The following FCHO2 variants were observed in gnomAD, a reference collection of about 807,000 sequenced individuals.
The protein encoded by FCHO2 is F-BAR domain only protein 2.
FCHO2 carries 43 observed loss-of-function variants against 114.1 expected under a neutral mutation model. The ratio of observed to expected loss-of-function variants is 0.38; its 90% CI spans 0.30 to 0.49. The LOEUF is 0.49. Among genes scored for constraint, FCHO2 ranks in the 20% least tolerant of loss-of-function variants. The pLI, the probability that FCHO2 is intolerant of heterozygous loss-of-function variation, is 0.97. For missense variants in FCHO2, 807 were observed against 950.4 expected (o/e 0.85, Z 1.98); for synonymous variants, 293 against 315.2 (o/e 0.93, Z 0.75).
rs116104589 is a variant in FCHO2, at chr5:73,065,003, C to A, written c.1449+1059C>A. ...GTGTGTTACCTTTACTGGGCTATTC[C>A]TTCGTCAGTCTCATATCCTCAGTAC... is the stretch of plus-strand genomic sequence containing the variant. On this transcript the variant is annotated intron_variant, in intron 18 of 25. Coordinates refer to ENST00000430046, the MANE Select transcript of FCHO2 (RefSeq NM_138782.3). 4.2e-3 allele frequency among the ~76,000 whole-genome samples: 642 copies of A among 151,948 alleles called. 3 individuals are homozygous for A. The highest frequency in any genetic ancestry group is 0.015 in the African/African-American group (626 of 41,462).
chr5:73,018,029 G>A (rs1755400049), intron 8 of FCHO2, among the ~76,000 whole-genome samples: 2 of 152,038 alleles, frequency 1.3e-5, no homozygotes, highest in Admixed American at 1.3e-4. Flanking sequence ...ACTATATCAT[G>A]TTCTTGCAAG....
intron 5 of FCHO2, among the ~76,000 whole-genome samples, chr5:73,003,909 G>A (rs1158992936): frequency 1.3e-5 from 2 of 151,762 alleles, no homozygotes; most frequent in African/African-American, 4.8e-5. Flanking sequence ...TTAGCTGGGC[G>A]TGGTGGCTTG....
chr5:73,003,142 C>T (rs137921107), intron 5 of FCHO2, among the ~76,000 whole-genome samples: 2 of 151,896 alleles, frequency 1.3e-5, no homozygotes, highest in Non-Finnish European at 2.9e-5. Flanking sequence ...GTAGCTGGGA[C>T]CACAGGTGTG....
Position 72,997,413 on chromosome 5 carries a change from A to G in FCHO2, c.495+6549A>G. 1.9e-6 allele frequency: 3 copies of G among 1,600,294 alleles called. No individual in the cohort carries two copies. The South Asian group carries it at 3.3e-5, about 18-fold the overall frequency. On this transcript the variant is annotated intron_variant, in intron 5 of 25. Coordinates refer to ENST00000430046, the MANE Select transcript of FCHO2 (RefSeq NM_138782.3). ...CACTGCACTTTGGAGTTGGGCAGCT[A>G]CATCAAGGACCTCTCTTTGGTCCAC...
chr5:72,997,057 CT>C, intron 5 of FCHO2: 1 of 1,313,800 alleles, frequency 7.6e-7, no homozygotes, highest in Non-Finnish European at 1.1e-6. Flanking sequence ...ATATCATCCC[CT>C]TATCTTCTTG....
Position 73,017,353 on chromosome 5 carries a change from A to G in FCHO2, c.796+45A>G, listed in dbSNP as rs547212445. On this transcript the variant is annotated intron_variant, in intron 8 of 25. Coordinates refer to ENST00000430046, the MANE Select transcript of FCHO2 (RefSeq NM_138782.3). ...AAGGAAACATTTTAAATTTTCCCAT[A>G]TAGTAACTAACATATTTGCCTTGAA... 5 of 1,243,886 alleles carry G rather than the reference A, an allele frequency of 4.0e-6. No individual in the cohort carries two copies. In the Admixed American group the frequency reaches 7.2e-5, roughly 18 times the overall value. 77.1% of individuals were successfully genotyped at this position (1,243,886 alleles called of 1,614,324 possible).
chr5:73,034,962 A>G (rs1390707369), intron 9 of FCHO2, among the ~76,000 whole-genome samples: 1 of 152,224 alleles, frequency 6.6e-6, no homozygotes, highest in East Asian at 1.9e-4. Flanking sequence ...TTTTAAATAT[A>G]CATTGAAATA....
chr5:72,990,732 A>G lies in FCHO2; in HGVS notation c.363A>G (p.Gly121=), dbSNP rs781265810. ...SHKKTKEEVA[G]TLEAVQTIQS... Reference sequence around the variant, plus strand: ...AACAGACTAAAGAAGAAGTTGCAGGAACTCTGGAAGCTGTCCAAACCATTC... The same window carrying G: ...AACAGACTAAAGAAGAAGTTGCAGGGACTCTGGAAGCTGTCCAAACCATTC... The change falls in exon 5 of 26, where the codon GGA becomes GGG. Residue 121 remains glycine (G), a synonymous_variant. Transcript: ENST00000430046. 5 of 1,555,788 alleles carry G rather than the reference A, an allele frequency of 3.2e-6. No homozygotes were observed. The South Asian group carries it at 6.0e-5, about 19-fold the overall frequency.
intron 1 of FCHO2, among the ~76,000 whole-genome samples, chr5:72,967,807 A>G (rs1013872625): frequency 6.6e-6 from 1 of 150,514 alleles, no homozygotes; most frequent in East Asian, 2.0e-4. Flanking sequence ...TTTAGCTGAG[A>G]TGGGGTTTCA....
At chr5:72,990,242 G>A (rs760007328) in intron 3 of FCHO2, among the ~76,000 whole-genome samples, 85 of 152,116 alleles carry the variant, frequency 5.6e-4, no homozygotes, top group Middle Eastern at 7.6e-3. Flanking sequence ...GTTAAGACTT[G>A]TGATAATGTA....
intron 1 of FCHO2, 80 bp downstream of exon 1, chr5:72,956,209 G>C (rs996414784): frequency 2.0e-5 from 29 of 1,460,352 alleles, no homozygotes; most frequent in Non-Finnish European, 2.5e-5. Context: ...TGCGCTTCGG[G>C]CGGCGGCGGC....
rs770510382 is a variant in FCHO2 at position 73,052,447 on chromosome 5, G to A, written c.1113G>A (p.Met371Ile). ...PMHPNNSHHT[M>I]ASLDELKVSI... The stretch of plus-strand genomic sequence containing the variant: ...ATCCAAATAACTCACATCACACAAT[G>A]GCTTCTTTGGATGAATTAAAAGTAT... Residue 371 changes from methionine (M) to isoleucine (I), a missense_variant, in exon 13 of 26, where the codon ATG becomes ATA. Coordinates refer to ENST00000430046, the MANE Select transcript of FCHO2 (RefSeq NM_138782.3). 3.1e-6 allele frequency: 5 copies of A among 1,599,574 alleles called. No homozygotes were observed. In the Middle Eastern group the frequency reaches 5.0e-4, roughly 159 times the overall value.
intron 20 of FCHO2, among the ~76,000 whole-genome samples, chr5:73,076,955 A>T (rs1182961339): frequency 6.6e-6 from 1 of 152,170 alleles, no homozygotes; most frequent in Non-Finnish European, 1.5e-5. Flanking sequence ...TGCTACCATC[A>T]CCATCACCAG....
At chr5:72,989,220 G>T (rs1482469238) in intron 2 of FCHO2, among the ~76,000 whole-genome samples, 1 of 152,046 alleles carries the variant, frequency 6.6e-6, no homozygotes, top group African/African-American at 2.4e-5. Flanking sequence ...AAAAAAATTT[G>T]TGTGTGTGAT....
At chr5:73,074,676 T>C (rs1476429620) in intron 19 of FCHO2, 66 bp from the exon 20 acceptor site, 1 of 1,422,612 alleles carries the variant, frequency 7.0e-7, no homozygotes. Flanking sequence ...AATGTGAATC[T>C]AACTATCTTG....
At chr5:72,992,874 C>G (rs1378930201) in intron 5 of FCHO2, among the ~76,000 whole-genome samples, 1 of 151,314 alleles carries the variant, frequency 6.6e-6, no homozygotes, top group Non-Finnish European at 1.5e-5. Flanking sequence ...AAGCATAACA[C>G]AATTCTAGGA....
Position 72,979,442 on chromosome 5 carries a change from A to G in FCHO2, c.126-9985A>G, listed in dbSNP as rs1450485291. ...AGTCTCGCTCTGTCGCCCAGGCTGG[A>G]GTGCAGTGGCGCGATCTCGGCTCAC... On this transcript the variant is annotated intron_variant, in intron 2 of 25. Transcript: ENST00000430046. Among the ~76,000 whole-genome samples, 7 of 107,820 alleles carry G rather than the reference A, an allele frequency of 6.5e-5. 1 individual carries two copies. Among genetic ancestry groups the G allele is most frequent in the Admixed American group, 3.0e-4 (2 of 6,582 alleles). 70.7% of individuals were successfully genotyped at this position (107,820 alleles called of 152,430 possible). A position where few individuals can be genotyped will look rare whatever the true frequency, so the allele number is the denominator to read the frequency against.
chr5:73,082,610 T>C (rs1743156367), intron 23 of FCHO2, 151 bp from the exon 24 acceptor site: 1 of 654,352 alleles, frequency 1.5e-6, no homozygotes, highest in Non-Finnish European at 2.7e-6. Flanking sequence ...TACTATATCA[T>C]AAACACATTT....
Position 73,054,518 on chromosome 5 carries a change from G to C in FCHO2, c.1186-7G>C. 1.3e-6 allele frequency: 2 copies of C among 1,539,514 alleles called. No homozygotes were observed. Among genetic ancestry groups the C allele is most frequent in the Non-Finnish European group, 1.8e-6 (2 of 1,141,438 alleles). ...TTTATGGTACCTATTTTGCATCTCT[G>C]TTTTAGGTACAGATGAATCGGAATT... On this transcript the variant is annotated splice_polypyrimidine_tract_variant and splice_region_variant and intron_variant, in intron 14 of 25. Transcript: ENST00000430046.
Sources: allele counts gnomAD v4.1 joint callset (sites outside exome capture counted in the v4.1 genomes callset), GRCh38; gene constraint gnomAD v4.1.1; transcripts MANE v1.5; gene names NCBI Gene and HGNC (gene_info 2026-07-23, HGNC 2026-07-21).